The following MIA3 variants were observed in gnomAD, a reference collection of about 807,000 sequenced individuals.
The protein encoded by MIA3 is transport and Golgi organization protein 1 homolog.
A neutral mutation model predicts 192.4 loss-of-function variants in MIA3; 90 were observed. That is an observed-to-expected ratio of 0.47 (90% CI 0.39 to 0.56). The LOEUF is 0.56. Among genes scored for constraint, MIA3 ranks in the 20% least tolerant of loss-of-function variants. The pLI is 0.00. For synonymous variants in MIA3, 740 were observed against 792.8 expected (o/e 0.93, Z 1.12); for missense variants, 2,123 against 2,269.4 (o/e 0.94, Z 1.31).
chr1:222,632,359 A>G (rs958138320), intron 5 of MIA3, 33 bp downstream of exon 5: 23 of 1,584,598 alleles, frequency 1.5e-5, no homozygotes, highest in Non-Finnish European at 1.7e-5. Context: ...TACAAAGTGG[A>G]GAAATCATAA....
chr1:222,629,570 A>G lies in MIA3; in HGVS notation c.2350A>G (p.Met784Val), dbSNP rs1662294219. 2 of 1,613,964 alleles carry G rather than the reference A, an allele frequency of 1.2e-6. No individual in the cohort carries two copies. The highest frequency in any genetic ancestry group is 1.7e-5 in the Admixed American group (1 of 60,004). Residue 784 changes from methionine to valine, a missense_variant, in exon 4 of 28, where the codon ATG becomes GTG. By Grantham distance (21) the Met-to-Val change is conservative (BLOSUM62 1). Around this residue, in one of 3 missense-constraint regions of MIA3, gnomAD observed 1,357 missense variants for 1,396.1 expected, o/e 0.97. Coordinates refer to ENST00000344922, the MANE Select transcript of MIA3 (RefSeq NM_198551.4). ...TGAAGAAAGCAAGCAAGAAACTAGTATGATTTTGGATAGCGAAAAAACAAG... is the reference window on the plus strand; with the variant it reads ...TGAAGAAAGCAAGCAAGAAACTAGTGTGATTTTGGATAGCGAAAAAACAAG... ...EIEESKQETS[M>V]ILDSEKTSET...
chr1:222,657,997 C>T (rs1361129442), intron 18 of MIA3, among the ~76,000 whole-genome samples: 1 of 152,178 alleles, frequency 6.6e-6, no homozygotes, highest in Non-Finnish European at 1.5e-5. Context: ...CACTTTTAAA[C>T]CATTAAATGT....
At position 222,658,743 on chromosome 1, in the gene MIA3, T is replaced by C. The variant is rs925640834; in HGVS notation, c.4629T>C (p.Tyr1543=). The change falls in exon 19 of 28, where the codon TAT becomes TAC. Residue 1543 remains tyrosine, a synonymous_variant. Transcript: ENST00000344922. ...TTAGGAAACTGAGTCAAGAAGAGTA[T>C]GAACGGCAAGAAAGAGAGCACAGGC... The part of the protein sequence containing the change: ...ALQKKLSQEE[Y]ERQEREHRLS... 1.6e-5 allele frequency: 25 copies of C among 1,611,934 alleles called. No individual in the cohort carries two copies. Among genetic ancestry groups the C allele is most frequent in the Non-Finnish European group, 2.1e-5 (25 of 1,179,206 alleles).
At chr1:222,619,094 G>A (rs1305747396) in intron 1 of MIA3, among the ~76,000 whole-genome samples, 1 of 152,200 alleles carries the variant, frequency 6.6e-6, no homozygotes, top group Admixed American at 6.5e-5. Context: ...TCCAGTCTGG[G>A]ATTGGAGGTG....
intron 6 of MIA3, among the ~76,000 whole-genome samples, chr1:222,636,659 C>T (rs1034808985): frequency 1.2e-4 from 18 of 151,860 alleles, no homozygotes; most frequent in African/African-American, 3.9e-4. Context: ...ATTACAGGCA[C>T]CCGCCACCAC....
chr1:222,631,020 T>G (rs1367028633), intron 4 of MIA3, among the ~76,000 whole-genome samples: 1 of 152,174 alleles, frequency 6.6e-6, no homozygotes, highest in African/African-American at 2.4e-5. Flanking sequence ...TCCTAGTTCC[T>G]TGTTCTATTC....
intron 7 of MIA3, among the ~76,000 whole-genome samples, chr1:222,648,603 A>T (rs967338288): frequency 2.0e-5 from 3 of 152,222 alleles, no homozygotes; most frequent in African/African-American, 7.2e-5. Context: ...GCAAAGTAAG[A>T]TATTTACCTC....
chr1:222,636,415 C>G (rs1409189510), intron 6 of MIA3, among the ~76,000 whole-genome samples: 1 of 151,744 alleles, frequency 6.6e-6, no homozygotes, highest in African/African-American at 2.4e-5. Flanking sequence ...AGGAATCTTA[C>G]CCTACACAGG....
chr1:222,657,385 C>A (rs1208738765), intron 18 of MIA3, among the ~76,000 whole-genome samples: 1 of 152,160 alleles, frequency 6.6e-6, no homozygotes, highest in African/African-American at 2.4e-5. Context: ...GTTGAAAGTT[C>A]TTTTCAACCT....
chr1:222,648,261 A>G (rs922439238), intron 7 of MIA3, among the ~76,000 whole-genome samples: 6 of 152,198 alleles, frequency 3.9e-5, no homozygotes, highest in African/African-American at 1.4e-4. Flanking sequence ...TAGGAAAATC[A>G]CATAATCTAG....
chr1:222,634,913 C>T (rs1273322484), intron 6 of MIA3, among the ~76,000 whole-genome samples: 1 of 152,192 alleles, frequency 6.6e-6, no homozygotes, highest in Non-Finnish European at 1.5e-5. Context: ...TTAGATAATA[C>T]ATACTCCAAT....
At chr1:222,624,903 G>C in intron 3 of MIA3, 49 bp downstream of exon 3, 3 of 1,026,570 alleles carry the variant, frequency 2.9e-6, no homozygotes, top group Non-Finnish European at 4.4e-6. Context: ...TGGCTTATAA[G>C]TGACTACCTA....
chr1:222,620,640 C>T (rs989903310), intron 1 of MIA3, among the ~76,000 whole-genome samples: 11 of 152,188 alleles, frequency 7.2e-5, no homozygotes, highest in African/African-American at 2.7e-4. Flanking sequence ...GTACTGGTTA[C>T]AGTCACTTGA....
At chr1:222,639,218 T>C (rs910725769) in intron 6 of MIA3, among the ~76,000 whole-genome samples, 1 of 152,208 alleles carries the variant, frequency 6.6e-6, no homozygotes, top group Admixed American at 6.5e-5. Context: ...GATAACCTTA[T>C]GACTATTAAG....
At chr1:222,626,388 C>G (rs371701209) in intron 3 of MIA3, among the ~76,000 whole-genome samples, 102 of 151,834 alleles carry the variant, frequency 6.7e-4, no homozygotes, top group South Asian at 3.8e-3. Context: ...TGCATGATTC[C>G]CTTAATATTA....
chr1:222,663,195 A>T (rs1381215696), intron 26 of MIA3, among the ~76,000 whole-genome samples: 2 of 152,188 alleles, frequency 1.3e-5, no homozygotes, highest in African/African-American at 2.4e-5. Context: ...GTGCCTGTAT[A>T]ATTTGTGTAC....
In MIA3 at chr1:222,629,215, C is replaced by G; in HGVS notation, c.1995C>G (p.Ala665=). 1 of 1,614,152 alleles carries G rather than the reference C, an allele frequency of 6.2e-7. No individual in the cohort carries two copies. Among genetic ancestry groups the G allele is most frequent in the Non-Finnish European group, 8.5e-7 (1 of 1,180,020 alleles). ...GGCAACAAGAAAGAGATGTGGCTGC[C>G]ACAGCCAGTAAGCAAATGAGTGAGA... The part of the protein sequence containing the change: ...LPWQQERDVA[A]TASKQMSEKI... Residue 665 remains alanine (A), a synonymous_variant, in exon 4 of 28, where the codon GCC becomes GCG. Coordinates refer to ENST00000344922, the MANE Select transcript of MIA3 (RefSeq NM_198551.4).
In MIA3 at chr1:222,667,454, AG is replaced by A. The variant is rs1056479354; in HGVS notation, c.*1837del. ...CATTTAAGTGTAGATTATGCCATCT[AG>A]GAAGGTAAGTAGGAAAGGTAAATTA... On this transcript the variant is annotated 3_prime_UTR_variant, in exon 28 of 28. Coordinates refer to ENST00000344922, the MANE Select transcript of MIA3 (RefSeq NM_198551.4). 2.0e-4 allele frequency: 31 copies of A among 152,130 alleles called. No individual in the cohort carries two copies. The highest frequency in any genetic ancestry group is 6.3e-4 in the African/African-American group (26 of 41,414). 9.4% of individuals were successfully genotyped at this position (152,130 alleles called of 1,614,324 possible).
At position 222,650,635 on chromosome 1, in the gene MIA3, T is replaced by A; in HGVS notation, c.3722T>A (p.Ile1241Asn). 6.4e-7 allele frequency: 1 copy of A among 1,568,958 alleles called. No individual in the cohort carries two copies. Among genetic ancestry groups the A allele is most frequent in the Non-Finnish European group, 8.7e-7 (1 of 1,147,602 alleles). ...VQKLSNYEQKIKESKKHVQET... is the reference protein window; with the variant it reads ...VQKLSNYEQKNKESKKHVQET... The stretch of plus-strand genomic sequence containing the variant: ...TTCTGAATGCTTTATTTTATATAGA[T>A]CAAGGAATCAAAGAAACATGTTCAG... Residue 1241 changes from isoleucine to asparagine, a missense_variant and splice_region_variant, in exon 10 of 28, where the codon ATC becomes AAC. Coordinates refer to ENST00000344922, the MANE Select transcript of MIA3 (RefSeq NM_198551.4).
Sources: allele counts gnomAD v4.1 joint callset (sites outside exome capture counted in the v4.1 genomes callset), GRCh38; gene constraint gnomAD v4.1.1; regional missense constraint gnomAD v4.1.1; transcripts MANE v1.5; gene names NCBI Gene and HGNC (gene_info 2026-07-23, HGNC 2026-07-21).